The following AKAP6 variants were observed in gnomAD, a reference collection of about 807,000 sequenced individuals.
AKAP6 encodes the protein A-kinase anchoring protein 6.
Under a neutral mutation model 188.5 loss-of-function variants are expected in AKAP6, and 58 were observed. That is an observed-to-expected ratio of 0.31 (90% confidence interval 0.25 to 0.38). The LOEUF (loss-of-function observed/expected upper bound fraction) is 0.38. Among genes scored for constraint, AKAP6 ranks in the 10% least tolerant of loss-of-function variants. The pLI is 1.00. For missense variants in AKAP6, 2,710 were observed against 2,740.0 expected (o/e 0.99, Z 0.24); for synonymous variants, 989 against 998.6 (o/e 0.99, Z 0.18).
At chr14:32,751,607 T>C (rs997989976) in intron 11 of AKAP6, among the ~76,000 whole-genome samples, 2 of 151,888 alleles carry the variant, frequency 1.3e-5, no homozygotes, top group African/African-American at 4.8e-5. Flanking sequence ...AATTTCTCTA[T>C]ATGTTTAGTT....
rs756953925 is a variant in AKAP6, at chr14:32,659,736, GCAATAATCTCCT to G, written c.2731-18568_2731-18557del. ...AAAATAGTTTCCATAATTGAAGGGA[GCAATAATCTCCT>G]CAATAAGTATATACAAATAGATTAC... On this transcript the variant is annotated intron_variant, in intron 7 of 13. Coordinates refer to ENST00000280979, the MANE Select transcript of AKAP6 (RefSeq NM_004274.5). 6.1e-4 allele frequency among the ~76,000 whole-genome samples: 93 copies of G among 152,050 alleles called. 1 individual carries two copies. The highest frequency in any genetic ancestry group is 1.6e-3 in the Admixed American group (24 of 15,236).
intron 12 of AKAP6, among the ~76,000 whole-genome samples, chr14:32,805,995 C>T (rs903482262): frequency 6.6e-6 from 1 of 152,154 alleles, no homozygotes; most frequent in African/African-American, 2.4e-5. Flanking sequence ...AGCCTTAGTA[C>T]TATTAATGTA....
chr14:32,695,027 C>T (rs1442774340), intron 8 of AKAP6, among the ~76,000 whole-genome samples: 1 of 152,128 alleles, frequency 6.6e-6, no homozygotes, highest in Non-Finnish European at 1.5e-5. Flanking sequence ...CTTTCATTTT[C>T]AGATCACAGT....
chr14:32,458,832 G>T (rs184817613), intron 2 of AKAP6, among the ~76,000 whole-genome samples: 1 of 152,040 alleles, frequency 6.6e-6, no homozygotes, highest in African/African-American at 2.4e-5. Flanking sequence ...GAAAGAATTA[G>T]AAATAAAAGG....
chr14:32,819,266 C>T (rs949774521), intron 12 of AKAP6, among the ~76,000 whole-genome samples: 5 of 152,140 alleles, frequency 3.3e-5, no homozygotes, highest in Non-Finnish European at 7.3e-5. Flanking sequence ...CAGATAATCT[C>T]TTACATACCC....
chr14:32,463,065 T>C (rs1436933653), intron 2 of AKAP6, among the ~76,000 whole-genome samples: 3 of 149,694 alleles, frequency 2.0e-5, no homozygotes, highest in African/African-American at 7.4e-5. Flanking sequence ...GCTAAACATA[T>C]ATGCACCCAA....
intron 4 of AKAP6, among the ~76,000 whole-genome samples, chr14:32,557,800 A>C (rs1335090582): frequency 6.6e-6 from 1 of 151,856 alleles, no homozygotes. Context: ...TCTTCCTTTT[A>C]TCTTCTTTCC....
At chr14:32,384,036 G>A (rs539428177) in intron 1 of AKAP6, among the ~76,000 whole-genome samples, 4 of 152,226 alleles carry the variant, frequency 2.6e-5, no homozygotes, top group East Asian at 1.9e-4. Flanking sequence ...GGTTCATGAC[G>A]CACAAACAGC....
chr14:32,355,787 T>C (rs565123071), intron 1 of AKAP6, among the ~76,000 whole-genome samples: 2,934 of 152,036 alleles, frequency 0.019, 100 homozygotes, highest in African/African-American at 0.068. Flanking sequence ...TTTTCTTTTT[T>C]TTTTTGAGAC....
At chr14:32,391,360 A>G (rs1055436958) in intron 1 of AKAP6, among the ~76,000 whole-genome samples, 1 of 152,068 alleles carries the variant, frequency 6.6e-6, no homozygotes, top group African/African-American at 2.4e-5. Context: ...CCAGGCTTTT[A>G]TTACCAACTG....
intron 9 of AKAP6, among the ~76,000 whole-genome samples, chr14:32,706,867 G>A (rs954464958): frequency 1.8e-4 from 27 of 151,964 alleles, no homozygotes; most frequent in African/African-American, 6.5e-4. Flanking sequence ...TGCTCTTATG[G>A]CCTTTGGGTT....
At chr14:32,668,119 G>T (rs1241730951) in intron 7 of AKAP6, among the ~76,000 whole-genome samples, 1 of 152,138 alleles carries the variant, frequency 6.6e-6, no homozygotes, top group Non-Finnish European at 1.5e-5. Context: ...TCATTGTGCA[G>T]AGATTTGCTA....
At chr14:32,758,416 C>A (rs1472904500) in intron 11 of AKAP6, among the ~76,000 whole-genome samples, 4 of 152,232 alleles carry the variant, frequency 2.6e-5, no homozygotes, top group South Asian at 4.1e-4. Flanking sequence ...AGGTAATAAA[C>A]CTGTATCATT....
intron 12 of AKAP6, among the ~76,000 whole-genome samples, chr14:32,788,040 CAAAAAAAAAAA>C (rs10606532): frequency 1.0e-5 from 1 of 96,344 alleles, no homozygotes; most frequent in Non-Finnish European, 2.0e-5. Flanking sequence ...GACCCCATCT[CAAAAAAAAAAA>C]AAAAAAAAAA....
At chr14:32,794,485 A>G (rs1465043243) in intron 12 of AKAP6, among the ~76,000 whole-genome samples, 1 of 152,148 alleles carries the variant, frequency 6.6e-6, no homozygotes, top group Non-Finnish European at 1.5e-5. Context: ...TCTTGAACCC[A>G]GGAGGCAGAT....
intron 1 of AKAP6, among the ~76,000 whole-genome samples, chr14:32,358,701 G>A (rs182734415): frequency 2.6e-5 from 4 of 152,224 alleles, no homozygotes; most frequent in Admixed American, 2.6e-4. Flanking sequence ...TTTGGAGCTC[G>A]GGTGGTGGGT....
chr14:32,733,973 AAG>A (rs1445645650), intron 10 of AKAP6: 1 of 152,166 alleles, frequency 6.6e-6, no homozygotes, highest in East Asian at 1.9e-4. Flanking sequence ...AAAATTGTTT[AAG>A]TTATGTCACA....
chr14:32,610,462 AC>A (rs1187703271), intron 7 of AKAP6, among the ~76,000 whole-genome samples: 1 of 152,198 alleles, frequency 6.6e-6, no homozygotes, highest in African/African-American at 2.4e-5. Flanking sequence ...TGTAACTACA[AC>A]ATGATGATGT....
At chr14:32,746,994 A>G (rs766682722) in intron 11 of AKAP6, among the ~76,000 whole-genome samples, 21 of 152,348 alleles carry the variant, frequency 1.4e-4, no homozygotes, top group Non-Finnish European at 2.2e-4. Flanking sequence ...TTACTCTGAA[A>G]AGGAGTATCA....
Sources: allele counts gnomAD v4.1 joint callset (sites outside exome capture counted in the v4.1 genomes callset), GRCh38; gene constraint gnomAD v4.1.1; transcripts MANE v1.5; gene names NCBI Gene and HGNC (gene_info 2026-07-23, HGNC 2026-07-21).